Variants in MTMR9 observed in about 807,000 individuals in gnomAD.
MTMR9 encodes myotubularin related protein 9, also known as myotubularin-related protein 9.
MTMR9 carries 39 observed loss-of-function variants against 69.5 expected under a neutral mutation model. The observed-to-expected ratio is 0.56, with a 90% CI of 0.43 to 0.73. The LOEUF is 0.73. Ranked by LOEUF, MTMR9 falls within the 30% of genes least tolerant of loss-of-function variation. The pLI, the probability that MTMR9 is intolerant of heterozygous loss-of-function variation, is 0.00. For synonymous variants in MTMR9, 354 were observed against 240.8 expected (o/e 1.47, Z -4.35); for missense variants, 900 against 671.2 (o/e 1.34, Z -3.77).
chr8:11,322,689 C>A lies in MTMR9; in HGVS notation c.1551C>A (p.Asn517Lys). The A allele has an allele frequency of 6.2e-7, 1 of 1,613,650 alleles. No homozygotes were observed. The highest frequency in any genetic ancestry group is 1.7e-5 in the Admixed American group (1 of 60,002). ...ATGAAGCATATGAAGAAATGGTTAA[C>A]ATCATTGAATATAATAAAGAATTAC... is the stretch of plus-strand genomic sequence containing the variant. ...YLDEAYEEMV[N>K]IIEYNKELQA... is the part of the protein sequence containing the mutation. Residue 517 changes from asparagine to lysine, a missense_variant, in exon 10 of 10, where the codon AAC (asparagine) becomes AAA (lysine). Coordinates refer to ENST00000221086, the MANE Select transcript of MTMR9 (RefSeq NM_015458.4).
chr8:11,300,217 A>C, intron 3 of MTMR9, 69 bp downstream of exon 3: 1 of 1,551,920 alleles, frequency 6.4e-7, no homozygotes, highest in Non-Finnish European at 8.8e-7. Context: ...TGTGAAAATG[A>C]TCACTTCTTT....
chr8:11,290,127 T>C (rs1364368243), intron 1 of MTMR9, among the ~76,000 whole-genome samples: 3 of 152,240 alleles, frequency 2.0e-5, no homozygotes, highest in Non-Finnish European at 4.4e-5. Context: ...CATTTGGTAT[T>C]GTCTTTCTAA....
At chr8:11,315,211 T>G in intron 7 of MTMR9, 147 bp downstream of exon 7, 1 of 959,318 alleles carries the variant, frequency 1.0e-6, no homozygotes, top group Non-Finnish European at 1.6e-6. Flanking sequence ...TTAATCTGTC[T>G]TCTCCTTGTT....
rs1033281606 is a variant in MTMR9 at position 11,323,400 on chromosome 8, A to G, written c.*612A>G. On this transcript the variant is annotated 3_prime_UTR_variant, in exon 10 of 10. Coordinates refer to ENST00000221086, the MANE Select transcript of MTMR9 (RefSeq NM_015458.4). ...CTGTTATTCAAGGTAAATTATTTCT[A>G]CAAGGGCAACAGGTATGGTCCTCCG... 6.6e-6 allele frequency: 1 copy of G among 152,254 alleles called. No homozygotes were observed. The highest frequency in any genetic ancestry group is 6.5e-5 in the Admixed American group (1 of 15,286). The allele number at this position is 152,254 out of a possible 1,614,324, so 9.4% of individuals were successfully genotyped here. A position where few individuals can be genotyped will look rare whatever the true frequency, so the allele number is the denominator to read the frequency against.
rs372680335 is a variant in MTMR9, at chr8:11,314,980, G to A, written c.1029G>A (p.Val343=). The change falls in exon 7 of 10, where the codon GTG becomes GTA. Residue 343 remains valine, a synonymous_variant. Transcript: ENST00000221086. The part of the protein sequence containing the change: ...GTEGTDSTLQ[V]TSLAQIILEP... The stretch of plus-strand genomic sequence containing the variant: ...AAGGAACTGATTCCACACTCCAGGT[G>A]ACCTCCTTGGCCCAGATCATCTTAG... The A allele has an allele frequency of 6.2e-7, 1 of 1,613,994 alleles. No individual in the cohort carries two copies. The highest frequency in any genetic ancestry group is 8.5e-7 in the Non-Finnish European group (1 of 1,179,912).
rs1554498479 is a variant in MTMR9, at chr8:11,284,880, C to CT, written c.-9_-8insT. 21 of 1,589,368 alleles carry CT rather than the reference C, an allele frequency of 1.3e-5. No individual in the cohort carries two copies. Among genetic ancestry groups the CT allele is most frequent in the Non-Finnish European group, 1.6e-5 (19 of 1,166,952 alleles). The stretch of plus-strand genomic sequence containing the variant: ...GGGCTCGGTTCCCTGGCTCCGGCCG[C>CT]GGGGGAGCATGGAGTTTGCGGAGCT... On this transcript the variant is annotated 5_prime_UTR_variant, in exon 1 of 10. Coordinates refer to ENST00000221086, the MANE Select transcript of MTMR9 (RefSeq NM_015458.4).
intron 1 of MTMR9, among the ~76,000 whole-genome samples, chr8:11,294,523 CAG>C (rs1360613501): frequency 5.3e-5 from 4 of 75,202 alleles, no homozygotes; most frequent in Admixed American, 1.2e-4. Context: ...TTTTTTGAGA[CAG>C]AGTCTCAACT....
chr8:11,285,220 C>A, intron 1 of MTMR9, 150 bp downstream of exon 1: 1 of 746,264 alleles, frequency 1.3e-6, no homozygotes, highest in Non-Finnish European at 2.1e-6. Context: ...ATTTACCAAG[C>A]TGAAACCCGT....
chr8:11,331,001 G>T (rs536162142), downstream of MTMR9: 4 of 1,489,872 alleles, frequency 2.7e-6, no homozygotes, highest in Admixed American at 2.6e-5. Flanking sequence ...CCTCAGGAGA[G>T]TTCCAGGGAA....
At chr8:11,290,692 C>G (rs1003212721) in intron 1 of MTMR9, among the ~76,000 whole-genome samples, 7 of 152,046 alleles carry the variant, frequency 4.6e-5, no homozygotes, top group African/African-American at 1.7e-4. Context: ...CGTGACAACC[C>G]AACCTTGGCT....
At chr8:11,287,703 T>TTATATATATTATAATA (rs1563262575) in intron 1 of MTMR9, among the ~76,000 whole-genome samples, 3 of 137,764 alleles carry the variant, frequency 2.2e-5, no homozygotes, top group African/African-American at 8.3e-5. Flanking sequence ...TTATTATATA[T>TTATATATATTATAATA]TATATATATT....
At position 11,306,212 on chromosome 8, in the gene MTMR9, C is replaced by T; in HGVS notation, c.614C>T (p.Pro205Leu). 2.5e-6 allele frequency: 4 copies of T among 1,613,166 alleles called. No individual in the cohort carries two copies. The highest frequency in any genetic ancestry group is 2.2e-5 in the East Asian group (1 of 44,868). ...NGMVIMRSGQ[P>L]LTGTNGRRCK... is the part of the protein sequence containing the mutation. ...TAGGTAATTATGCGAAGTGGTCAGC[C>T]ACTCACTGGTACAAACGGGAGGAGG... is the stretch of plus-strand genomic sequence containing the variant. The change falls in exon 5 of 10, where the codon CCA becomes CTA. Residue 205 changes from proline (P) to leucine (L), a missense_variant. Coordinates refer to ENST00000221086, the MANE Select transcript of MTMR9 (RefSeq NM_015458.4).
At chr8:11,291,792 T>C (rs1462402369) in intron 1 of MTMR9, among the ~76,000 whole-genome samples, 2 of 152,166 alleles carry the variant, frequency 1.3e-5, no homozygotes, top group African/African-American at 2.4e-5. Context: ...TAACCGTATG[T>C]CTTGTACATT....
rs750468742 is a variant in MTMR9 at position 11,324,560 on chromosome 8, G to T, written c.*1772G>T. The T allele has an allele frequency of 6.7e-6, 1 of 148,858 alleles. No individual in the cohort carries two copies. The highest frequency in any genetic ancestry group is 6.7e-5 in the Admixed American group (1 of 14,936). 9.2% of individuals were successfully genotyped at this position (148,858 alleles called of 1,614,324 possible). ...AGCCTCACTTTTTTGTGCTCCCTCA[G>T]AATTGCTTGCTATGTCTGTTAATAC... On this transcript the variant is annotated 3_prime_UTR_variant, in exon 10 of 10. Transcript: ENST00000221086.
At chr8:11,335,004 G>A in the MTMR9 span, among the ~76,000 whole-genome samples, 1 of 152,192 alleles carries the variant, frequency 6.6e-6, no homozygotes, top group Non-Finnish European at 1.5e-5. Flanking sequence ...AAGCTTGCCT[G>A]CTGATATCAG....
At position 11,304,911 on chromosome 8, in the gene MTMR9, C is replaced by T; in HGVS notation, c.488C>T (p.Thr163Ile). Residue 163 changes from threonine to isoleucine, a missense_variant, in exon 4 of 10, where the codon ACA (threonine) becomes ATA (isoleucine). By Grantham distance (89) the Thr-to-Ile change is moderately conservative (BLOSUM62 -1). Transcript: ENST00000221086. ...TGTCCCTCTTACCCACCAATTGTCA[C>T]AGTGCCCAAATCCATCGATGATGAA... is the stretch of plus-strand genomic sequence containing the variant. ...AVCPSYPPIVTVPKSIDDEAL... is the reference protein window; with the variant it reads ...AVCPSYPPIVIVPKSIDDEAL... 6.2e-7 allele frequency: 1 copy of T among 1,614,140 alleles called. No homozygotes were observed. The highest frequency in any genetic ancestry group is 8.5e-7 in the Non-Finnish European group (1 of 1,179,980).
At chr8:11,290,937 CT>C (rs539283418) in intron 1 of MTMR9, among the ~76,000 whole-genome samples, 206 of 148,040 alleles carry the variant, frequency 1.4e-3, no homozygotes, top group African/African-American at 4.6e-3. Context: ...GGAAAACTTG[CT>C]ATGTTCATGG....
Position 11,322,732 on chromosome 8 carries a change from C to T in MTMR9, c.1594C>T (p.Leu532Phe), listed in dbSNP as rs914500923. Residue 532 changes from leucine to phenylalanine, a missense_variant, in exon 10 of 10, where the codon CTT (leucine) becomes TTT (phenylalanine). Physicochemically the swap from Leu to Phe is conservative, Grantham distance 22. Coordinates refer to ENST00000221086, the MANE Select transcript of MTMR9 (RefSeq NM_015458.4). ...NKELQAKVNILRRQLAELETE... is the reference protein window; with the variant it reads ...NKELQAKVNIFRRQLAELETE... ...AGAATTACAAGCAAAAGTCAATATC[C>T]TTCGAAGGCAGTTGGCAGAACTGGA... 6.2e-7 allele frequency: 1 copy of T among 1,613,990 alleles called. No individual in the cohort carries two copies. The highest frequency in any genetic ancestry group is 8.5e-7 in the Non-Finnish European group (1 of 1,179,958).
chr8:11,331,965 C>T (rs374494500), downstream of MTMR9: 33 of 1,611,910 alleles, frequency 2.0e-5, no homozygotes, highest in African/African-American at 4.3e-4. Flanking sequence ...CGCTGTCCTG[C>T]ATTCCGAGGT....
Sources: allele counts gnomAD v4.1 joint callset (sites outside exome capture counted in the v4.1 genomes callset), GRCh38; gene constraint gnomAD v4.1.1; transcripts MANE v1.5; gene names NCBI Gene and HGNC (gene_info 2026-07-23, HGNC 2026-07-21).